The following BAHD1 variants were observed in gnomAD, a reference collection of about 807,000 sequenced individuals.
The protein encoded by BAHD1 is bromo adjacent homology domain containing 1, also known as bromo adjacent homology domain-containing 1 protein.
A neutral mutation model predicts 63.1 loss-of-function variants in BAHD1; 20 were observed. The observed-to-expected ratio is 0.32, with a 90% CI of 0.22 to 0.46. BAHD1 has a LOEUF of 0.46. Ranked by LOEUF, BAHD1 falls within the 20% of genes least tolerant of loss-of-function variation. The probability of loss-of-function intolerance (pLI) is 1.00; values close to 1 mark genes in which losing one functional copy is unlikely to be tolerated. For missense variants in BAHD1, 939 were observed against 1,071.8 expected (o/e 0.88, Z 1.73); for synonymous variants, 408 against 426.8 (o/e 0.96, Z 0.54).
intron 1 of BAHD1, among the ~76,000 whole-genome samples, chr15:40,441,571 G>GGGGGC (rs1893402786): frequency 6.7e-6 from 1 of 149,114 alleles, no homozygotes; most frequent in Non-Finnish European, 1.5e-5. Flanking sequence ...CTTGCAGGCC[G>GGGGGC]GGGGCGGGGT....
intron 3 of BAHD1, 33 bp downstream of exon 3, chr15:40,462,327 G>GA (rs1894074756): frequency 6.4e-7 from 1 of 1,565,014 alleles, no homozygotes; most frequent in East Asian, 2.3e-5. Flanking sequence ...TGACGAGAGG[G>GA]AGGGAGGCAG....
chr15:40,464,620 A>G, intron 5 of BAHD1, 73 bp downstream of exon 5: 2 of 1,323,242 alleles, frequency 1.5e-6, no homozygotes, highest in Non-Finnish European at 2.1e-6. Flanking sequence ...AAGACGTGGT[A>G]GGGGGAGGGC....
In BAHD1 at chr15:40,459,727, A is replaced by T; in HGVS notation, c.1263A>T (p.Ser421=). The T allele has an allele frequency of 6.2e-7, 1 of 1,613,988 alleles. No homozygotes were observed. The highest frequency in any genetic ancestry group is 8.5e-7 in the Non-Finnish European group (1 of 1,180,006). The change falls in exon 2 of 7, where the codon TCA becomes TCT. Residue 421 remains serine (S), a synonymous_variant. Coordinates refer to ENST00000416165, the MANE Select transcript of BAHD1 (RefSeq NM_014952.5). ...AGGGGCTCCTCTTAGCTCCGAGCTC[A>T]GTGCCCTCAGGCACCCCTTTCCAGC... The part of the protein sequence containing the change: ...HEEGLLLAPS[S]VPSGTPFQHP...
At chr15:40,463,814 T>C (rs760947937) in intron 3 of BAHD1, 47 bp from the exon 4 acceptor site, 18 of 1,605,698 alleles carry the variant, frequency 1.1e-5, no homozygotes, top group Non-Finnish European at 1.4e-5. Context: ...GTCCTTACTC[T>C]GAGTGTGGCT....
At chr15:40,440,554 G>A (rs995727305), upstream of BAHD1, among the ~76,000 whole-genome samples, 1 of 150,016 alleles carries the variant, frequency 6.7e-6, no homozygotes, top group African/African-American at 2.5e-5. Context: ...TGGCCAGGGC[G>A]GGGGGAGATA....
In BAHD1 at chr15:40,459,902, G is replaced by T. The variant is rs1489069683; in HGVS notation, c.1432+6G>T. On this transcript the variant is annotated splice_donor_region_variant and intron_variant, in intron 2 of 6. Transcript: ENST00000416165. ...CAAAATGCCTTTTGCAGCAGGTGAG[G>T]CTTCCTGGGCCCAAGATGTACTGGG... 2 of 1,568,202 alleles carry T rather than the reference G, an allele frequency of 1.3e-6. No homozygotes were observed. The highest frequency in any genetic ancestry group is 1.8e-5 in the Admixed American group (1 of 56,804).
At position 40,465,449 on chromosome 15, in the gene BAHD1, T is replaced by A; in HGVS notation, c.2153+14T>A. 6.2e-7 allele frequency: 1 copy of A among 1,607,746 alleles called. No individual in the cohort carries two copies. Among genetic ancestry groups the A allele is most frequent in the African/African-American group, 1.3e-5 (1 of 74,888 alleles). On this transcript the variant is annotated intron_variant, in intron 6 of 6. Coordinates refer to ENST00000416165, the MANE Select transcript of BAHD1 (RefSeq NM_014952.5). The stretch of plus-strand genomic sequence containing the variant: ...CGAGTACTGCAGGTAGGTGGTTCCC[T>A]GCACCCTCTGGCTGGCCTCTTCCCT...
upstream of BAHD1, among the ~76,000 whole-genome samples, chr15:40,438,096 G>A (rs569722641): frequency 1.4e-3 from 214 of 152,276 alleles, no homozygotes; most frequent in African/African-American, 5.0e-3. Flanking sequence ...AGACCTCTGG[G>A]CTGCCAAACA....
Position 40,460,722 on chromosome 15 carries a change from C to T in BAHD1, c.1432+826C>T, listed in dbSNP as rs202019593. 3.3e-5 allele frequency among the ~76,000 whole-genome samples: 5 copies of T among 152,320 alleles called. No homozygotes were observed. The East Asian group carries it at 9.7e-4, about 29-fold the overall frequency. ...GGTGGAAATGAGACATGCTGGCCAG[C>T]AGGTCTGCCCTGCTGCTGGGGAGGT... On this transcript the variant is annotated intron_variant, in intron 2 of 6. Transcript: ENST00000416165.
chr15:40,463,330 A>G (rs1894106948), intron 3 of BAHD1, among the ~76,000 whole-genome samples: 1 of 152,230 alleles, frequency 6.6e-6, no homozygotes, highest in South Asian at 2.1e-4. Context: ...ACATAAATAC[A>G]TAAAATTTAT....
intron 1 of BAHD1, among the ~76,000 whole-genome samples, chr15:40,441,540 C>T (rs1040024510): frequency 1.3e-5 from 2 of 149,876 alleles, no homozygotes; most frequent in African/African-American, 4.9e-5. Flanking sequence ...CTCGAGGTGA[C>T]AGCCCCCGGG....
At position 40,464,496 on chromosome 15, in the gene BAHD1, G is replaced by A. The variant is rs1164978595; in HGVS notation, c.2001G>A (p.Trp667Ter). The A allele has an allele frequency of 1.9e-6, 3 of 1,613,400 alleles. No homozygotes were observed. Among genetic ancestry groups the A allele is most frequent in the Non-Finnish European group, 2.5e-6 (3 of 1,179,798 alleles). Reference protein sequence around the residue: ...ESGELMMSLLWYYRPEHLQGG... With the variant: ...ESGELMMSLL ...GAGAGCTGATGATGAGCCTCCTGTG[G>A]TATTACAGACCTGAGCACTTACAGG... is the stretch of plus-strand genomic sequence containing the variant. The change falls in exon 5 of 7, where the codon TGG becomes TGA. Residue 667 changes from tryptophan (W) to a stop codon, truncating the protein, a stop_gained. Transcript: ENST00000416165. LOFTEE classifies it high-confidence loss of function.
chr15:40,459,006 G>T lies in BAHD1; in HGVS notation c.542G>T (p.Arg181Leu). The T allele has an allele frequency of 1.9e-6, 3 of 1,589,012 alleles. No individual in the cohort carries two copies. The highest frequency in any genetic ancestry group is 2.6e-6 in the Non-Finnish European group (3 of 1,165,788). The change falls in exon 2 of 7, where the codon CGG (arginine) becomes CTG (leucine). Residue 181 changes from arginine (R) to leucine (L), a missense_variant. By Grantham distance (102) the Arg-to-Leu change is moderately radical. Coordinates refer to ENST00000416165, the MANE Select transcript of BAHD1 (RefSeq NM_014952.5). ...PRLGDLGGGSRDLSPEPAPDE... is the reference protein window; with the variant it reads ...PRLGDLGGGSLDLSPEPAPDE... ...CTGGGGGACCTTGGAGGAGGAAGTC[G>T]GGACCTGTCTCCAGAGCCAGCACCC...
At chr15:40,438,132 C>T (rs1485216018), upstream of BAHD1, among the ~76,000 whole-genome samples, 1 of 152,188 alleles carries the variant, frequency 6.6e-6, no homozygotes, top group African/African-American at 2.4e-5. Flanking sequence ...AGGTGATGGG[C>T]CCCAGGCGTT....
chr15:40,439,146 G>T (rs76200428), upstream of BAHD1, among the ~76,000 whole-genome samples: 850 of 152,308 alleles, frequency 5.6e-3, 6 homozygotes, highest in African/African-American at 0.019. Context: ...TTACAGCTTT[G>T]GGGTTTTGCT....
At chr15:40,455,400 G>T (rs895786882) in intron 1 of BAHD1, among the ~76,000 whole-genome samples, 1 of 152,186 alleles carries the variant, frequency 6.6e-6, no homozygotes, top group Non-Finnish European at 1.5e-5. Context: ...TCTGGGCTCA[G>T]ACTCCTGAAA....
At chr15:40,448,686 A>G (rs1275321033) in intron 1 of BAHD1, among the ~76,000 whole-genome samples, 2 of 152,122 alleles carry the variant, frequency 1.3e-5, no homozygotes, top group African/African-American at 2.4e-5. Context: ...ACAGGCACAC[A>G]CCACCATGCC....
chr15:40,444,090 C>T (rs993907593), intron 1 of BAHD1, among the ~76,000 whole-genome samples: 4 of 148,020 alleles, frequency 2.7e-5, no homozygotes, highest in African/African-American at 7.4e-5. Flanking sequence ...AGGACAGGAA[C>T]AATATGAGTG....
In BAHD1 at chr15:40,459,870, G is replaced by T; in HGVS notation, c.1406G>T (p.Cys469Phe). 3.1e-6 allele frequency: 5 copies of T among 1,594,224 alleles called. No individual in the cohort carries two copies. The highest frequency in any genetic ancestry group is 3.4e-6 in the Non-Finnish European group (4 of 1,168,204). ...CACGCTGGCACTACCTGTGGCGGCT[G>T]CCCATACAAAATGCCTTTTGCAGCA... The part of the protein sequence containing the change: ...VTHAGTTCGG[C>F]PYKMPFAAEG... The change falls in exon 2 of 7, where the codon TGC becomes TTC. Residue 469 changes from cysteine (C) to phenylalanine (F), a missense_variant. Cys to Phe is a radical substitution (Grantham distance 205, BLOSUM62 -2). Around this residue, in one of 5 missense-constraint regions of BAHD1, gnomAD observed 797 missense variants for 813.3 expected, o/e 0.98. Coordinates refer to ENST00000416165, the MANE Select transcript of BAHD1 (RefSeq NM_014952.5).
Sources: gnomAD v4.1 joint callset for allele counts (sites outside exome capture counted in the v4.1 genomes callset) on GRCh38, gnomAD v4.1.1 for gene constraint, gnomAD v4.1.1 regional missense constraint, MANE v1.5 for transcripts, NCBI Gene and HGNC (gene_info 2026-07-23, HGNC 2026-07-21) for gene names.